Variants in BBX observed in about 807,000 individuals in gnomAD.
The protein encoded by BBX is HMG box transcription factor BBX.
In BBX, 30 loss-of-function variants were observed where a neutral mutation model predicts 100.2. The observed-to-expected ratio is 0.30, with a 90% CI of 0.22 to 0.41. BBX has a LOEUF of 0.41. Among genes scored for constraint, BBX ranks in the 10% least tolerant of loss-of-function variants. BBX has a pLI of 1.00. For missense variants in BBX, 1,023 were observed against 1,129.8 expected, an observed-to-expected ratio of 0.91 and a Z score of 1.35; for synonymous variants, 376 against 388.1, an observed-to-expected ratio of 0.97 and a Z score of 0.37.
intron 6 of BBX, among the ~76,000 whole-genome samples, 165 bp from the exon 7 acceptor site, chr3:107,732,791 A>G (rs2063390825): frequency 6.6e-6 from 1 of 152,268 alleles, no homozygotes; most frequent in Admixed American, 6.5e-5. Flanking sequence ...AAGCACATAT[A>G]TGCCAGGTTA....
intron 7 of BBX, among the ~76,000 whole-genome samples, chr3:107,733,874 G>A (rs575457495): frequency 1.3e-5 from 2 of 152,110 alleles, no homozygotes; most frequent in East Asian, 1.9e-4. Flanking sequence ...TGATTTTGAC[G>A]GGCAGGTAGT....
At chr3:107,735,791 ATGT>A (rs1489147220) in intron 7 of BBX, among the ~76,000 whole-genome samples, 1 of 152,116 alleles carries the variant, frequency 6.6e-6, no homozygotes, top group Non-Finnish European at 1.5e-5. Flanking sequence ...AACAAACAAA[ATGT>A]TGTGTATTCT....
chr3:107,648,097 A>G (rs369820543), intron 3 of BBX, among the ~76,000 whole-genome samples: 3 of 152,188 alleles, frequency 2.0e-5, no homozygotes, highest in Non-Finnish European at 2.9e-5. Context: ...GCAAAATACT[A>G]TCTGCTGCTT....
chr3:107,746,427 C>G (rs1389877838), intron 8 of BBX, among the ~76,000 whole-genome samples: 4 of 152,124 alleles, frequency 2.6e-5, no homozygotes, highest in African/African-American at 9.7e-5. Flanking sequence ...CTTCAGAACA[C>G]TTGGTTAGAT....
At position 107,534,152 on chromosome 3, in the gene BBX, G is replaced by C. The variant is rs574750106; in HGVS notation, c.-84+7754G>C. On this transcript the variant is annotated intron_variant, in intron 2 of 17. Coordinates refer to ENST00000325805, the MANE Select transcript of BBX (RefSeq NM_001142568.3). ...AATGCTAAGGAATTGTTTATTGATAGGGCTTTCATTATTTATTTACATGAC... is the reference window on the plus strand; with the variant it reads ...AATGCTAAGGAATTGTTTATTGATACGGCTTTCATTATTTATTTACATGAC... Among the ~76,000 whole-genome samples the C allele has an allele frequency of 4.6e-5, 7 of 152,250 alleles. No individual in the cohort carries two copies. In the South Asian group the frequency reaches 1.5e-3, roughly 32 times the overall value.
chr3:107,745,323 A>G (rs11710737), intron 8 of BBX, among the ~76,000 whole-genome samples: 68,559 of 151,934 alleles, frequency 0.45, 16,005 homozygotes, highest in Middle Eastern at 0.54. Flanking sequence ...CCTCACTGAT[A>G]CATTTTTTTC....
intron 3 of BBX, among the ~76,000 whole-genome samples, chr3:107,707,352 A>G (rs2061452456): frequency 6.6e-6 from 1 of 152,210 alleles, no homozygotes; most frequent in African/African-American, 2.4e-5. Context: ...AAAGTGTAAG[A>G]AATTGTAGTT....
At position 107,655,902 on chromosome 3, in the gene BBX, G is replaced by A. The variant is rs1237900262; in HGVS notation, c.-10+9993G>A. On this transcript the variant is annotated intron_variant, in intron 3 of 17. Transcript: ENST00000325805. ...TTTTTAGTGGAGATGGGGTTTCACC[G>A]TGTTAGCCAGGATGGTCTCGATCTC... is the stretch of plus-strand genomic sequence containing the variant. 9.2e-5 allele frequency among the ~76,000 whole-genome samples: 14 copies of A among 151,912 alleles called. No homozygotes were observed. The South Asian group carries it at 1.2e-3, about 14-fold the overall frequency.
rs1559904069 is a variant in BBX, at chr3:107,638,775, A to AG, written c.-83-7061_-83-7060insG. 1.6e-4 allele frequency among the ~76,000 whole-genome samples: 16 copies of AG among 100,394 alleles called. 1 individual carries two copies. The highest frequency in any genetic ancestry group is 7.0e-4 in the Admixed American group (6 of 8,528). 65.9% of individuals were successfully genotyped at this position (100,394 alleles called of 152,430 possible). On this transcript the variant is annotated intron_variant, in intron 2 of 17. Coordinates refer to ENST00000325805, the MANE Select transcript of BBX (RefSeq NM_001142568.3). ...TCCTCTACCAAAAAAAAAAAAAAAA[A>AG]AGTATACACACACACACACACACAC... is the stretch of plus-strand genomic sequence containing the variant.
chr3:107,671,374 A>G (rs1385431354), intron 3 of BBX, among the ~76,000 whole-genome samples: 1 of 152,022 alleles, frequency 6.6e-6, no homozygotes, highest in Admixed American at 6.6e-5. Context: ...TTTGAGCCTA[A>G]ACACCACTGA....
intron 7 of BBX, among the ~76,000 whole-genome samples, chr3:107,743,918 G>GTTTTTTTTTTTTTTTTTTTTTTTTTTAT (rs34762783): frequency 3.5e-5 from 2 of 56,620 alleles, no homozygotes; most frequent in Non-Finnish European, 6.1e-5. Flanking sequence ...TGTTTTAGTG[G>GTTTTTTTTTTTTTTTTTTTTTTTTTTAT]TTTTTTTTTT....
At chr3:107,588,599 G>T (rs1038855490) in intron 2 of BBX, among the ~76,000 whole-genome samples, 6 of 152,108 alleles carry the variant, frequency 3.9e-5, no homozygotes, top group African/African-American at 1.4e-4. Context: ...GGGTGACTTT[G>T]TTTAAGCTGC....
At chr3:107,741,560 T>C (rs1267291357) in intron 7 of BBX, among the ~76,000 whole-genome samples, 1 of 152,202 alleles carries the variant, frequency 6.6e-6, no homozygotes, top group Non-Finnish European at 1.5e-5. Flanking sequence ...TTCTCCCTTA[T>C]TAAATAACCA....
At chr3:107,531,335 C>T in intron 2 of BBX, among the ~76,000 whole-genome samples, 1 of 152,162 alleles carries the variant, frequency 6.6e-6, no homozygotes, top group East Asian at 1.9e-4. Context: ...CCTGCTGCCT[C>T]TATTGCTTAT....
chr3:107,684,582 G>C (rs2059739951), intron 3 of BBX: 2 of 152,112 alleles, frequency 1.3e-5, no homozygotes, highest in Non-Finnish European at 2.9e-5. Flanking sequence ...AGCAGTGGCG[G>C]AGCAAAGGCA....
chr3:107,627,787 A>AT (rs1247933515), intron 2 of BBX, among the ~76,000 whole-genome samples: 2 of 151,992 alleles, frequency 1.3e-5, no homozygotes, highest in African/African-American at 4.8e-5. Context: ...TAAAATAGTT[A>AT]TTTTTATATG....
chr3:107,698,267 A>G (rs905292594), intron 3 of BBX, among the ~76,000 whole-genome samples: 1 of 151,824 alleles, frequency 6.6e-6, no homozygotes, highest in Non-Finnish European at 1.5e-5. Context: ...GTCATATGAA[A>G]GAAAAATTAC....
At chr3:107,742,459 CACTAT>C (rs1305825713) in intron 7 of BBX, among the ~76,000 whole-genome samples, 1 of 152,040 alleles carries the variant, frequency 6.6e-6, no homozygotes, top group African/African-American at 2.4e-5. Context: ...GTGCTGTTTC[CACTAT>C]ACTATACTGA....
At chr3:107,702,188 C>T (rs2061113621) in intron 3 of BBX, among the ~76,000 whole-genome samples, 1 of 152,192 alleles carries the variant, frequency 6.6e-6, no homozygotes, top group Non-Finnish European at 1.5e-5. Flanking sequence ...GGGTTTATTA[C>T]TGGACCATTT....
Sources: gnomAD v4.1 joint callset for allele counts (sites outside exome capture counted in the v4.1 genomes callset) on GRCh38, gnomAD v4.1.1 for gene constraint, MANE v1.5 for transcripts, NCBI Gene and HGNC (gene_info 2026-07-23, HGNC 2026-07-21) for gene names.